Variants in ST8SIA2 observed in about 807,000 individuals in gnomAD.
The protein encoded by ST8SIA2 is alpha-2,8-sialyltransferase 8B.
In ST8SIA2, 22 loss-of-function variants were observed where a neutral mutation model predicts 37.6. The observed-to-expected ratio is 0.58, with a 90% CI of 0.42 to 0.83. The LOEUF (loss-of-function observed/expected upper bound fraction) is 0.83. Among genes scored for constraint, ST8SIA2 ranks in the 40% least tolerant of loss-of-function variants. ST8SIA2 has a pLI of 0.00. For missense variants in ST8SIA2, 382 were observed against 484.7 expected, an observed-to-expected ratio of 0.79 and a Z score of 1.99; for synonymous variants, 205 against 201.2, an observed-to-expected ratio of 1.02 and a Z score of -0.16.
chr15:92,456,730 G>T (rs1197044170), intron 5 of ST8SIA2, among the ~76,000 whole-genome samples: 1 of 152,194 alleles, frequency 6.6e-6, no homozygotes, highest in East Asian at 1.9e-4. Flanking sequence ...TACTGGGAGA[G>T]ATGTGCAGGC....
chr15:92,439,159 G>C (rs79465730), intron 4 of ST8SIA2, among the ~76,000 whole-genome samples: 17 of 152,154 alleles, frequency 1.1e-4, no homozygotes, highest in African/African-American at 3.9e-4. Context: ...TGGTACAAAA[G>C]GTTGGTAAGA....
chr15:92,429,958 T>C, intron 1 of ST8SIA2, 91 bp from the exon 2 acceptor site: 3 of 1,393,452 alleles, frequency 2.2e-6, no homozygotes, highest in Non-Finnish European at 3.0e-6. Context: ...TCTGTAGTTT[T>C]CCAGGTGGGC....
chr15:92,413,394 A>C (rs1232488349), intron 1 of ST8SIA2, among the ~76,000 whole-genome samples: 1 of 152,188 alleles, frequency 6.6e-6, no homozygotes, highest in African/African-American at 2.4e-5. Flanking sequence ...CTCAGTCTGA[A>C]TATTCTGCGA....
intron 5 of ST8SIA2, among the ~76,000 whole-genome samples, chr15:92,451,563 C>T (rs1412992647): frequency 1.3e-5 from 2 of 152,130 alleles, no homozygotes. Context: ...AGGCATTTTT[C>T]AGAAGGAAAG....
chr15:92,457,964 C>A (rs1289905324), intron 5 of ST8SIA2, among the ~76,000 whole-genome samples: 5 of 152,208 alleles, frequency 3.3e-5, no homozygotes, highest in Non-Finnish European at 5.9e-5. Flanking sequence ...CCTGTCCCAG[C>A]TGGCCGCAGT....
At chr15:92,401,851 C>T (rs1367819951) in intron 1 of ST8SIA2, among the ~76,000 whole-genome samples, 1 of 151,758 alleles carries the variant, frequency 6.6e-6, no homozygotes, top group East Asian at 1.9e-4. Context: ...ATGAAAGAAC[C>T]CCTAGGTCAG....
At chr15:92,428,434 T>C (rs2049692168) in intron 1 of ST8SIA2, among the ~76,000 whole-genome samples, 1 of 152,228 alleles carries the variant, frequency 6.6e-6, no homozygotes, top group African/African-American at 2.4e-5. Flanking sequence ...GAATTAACTC[T>C]GCTTGACTTA....
At chr15:92,417,192 C>G (rs2049593209) in intron 1 of ST8SIA2, among the ~76,000 whole-genome samples, 1 of 152,196 alleles carries the variant, frequency 6.6e-6, no homozygotes, top group South Asian at 2.1e-4. Flanking sequence ...TAGAACCCAT[C>G]AGGAACCAGA....
chr15:92,445,110 G>A (rs952199410), intron 5 of ST8SIA2, 181 bp downstream of exon 5: 3 of 897,980 alleles, frequency 3.3e-6, no homozygotes, highest in Non-Finnish European at 5.1e-6. Context: ...GGTTTGGCAA[G>A]TGGGTTTCAT....
chr15:92,450,856 C>T (rs1401995584), intron 5 of ST8SIA2, among the ~76,000 whole-genome samples: 1 of 152,204 alleles, frequency 6.6e-6, no homozygotes, highest in Non-Finnish European at 1.5e-5. Context: ...CATACACACA[C>T]ACAGAAAATA....
intron 2 of ST8SIA2, among the ~76,000 whole-genome samples, chr15:92,431,236 T>A (rs946170110): frequency 6.6e-6 from 1 of 152,150 alleles, no homozygotes; most frequent in Admixed American, 6.5e-5. Flanking sequence ...CGTGGTAGCT[T>A]GAGGGGCCAC....
chr15:92,424,883 T>C (rs1421031583), intron 1 of ST8SIA2, among the ~76,000 whole-genome samples: 1 of 152,174 alleles, frequency 6.6e-6, no homozygotes, highest in South Asian at 2.1e-4. Context: ...AAGTAAAAAT[T>C]GACATTCTAA....
chr15:92,414,486 G>A (rs1165118458), intron 1 of ST8SIA2, among the ~76,000 whole-genome samples: 2 of 152,240 alleles, frequency 1.3e-5, no homozygotes, highest in Non-Finnish European at 1.5e-5. Flanking sequence ...CTGTCAGACA[G>A]AGGTGTATTC....
chr15:92,410,045 C>T (rs964456129), intron 1 of ST8SIA2, among the ~76,000 whole-genome samples: 7 of 152,234 alleles, frequency 4.6e-5, no homozygotes, highest in African/African-American at 1.7e-4. Flanking sequence ...TTGCCACCAC[C>T]AGGCCATTGC....
intron 5 of ST8SIA2, among the ~76,000 whole-genome samples, chr15:92,447,836 G>A (rs2049852984): frequency 6.6e-6 from 1 of 152,184 alleles, no homozygotes; most frequent in Non-Finnish European, 1.5e-5. Flanking sequence ...TGGTCTCTCA[G>A]GACCATGTTT....
At chr15:92,423,566 G>C (rs2049652610) in intron 1 of ST8SIA2, among the ~76,000 whole-genome samples, 1 of 152,258 alleles carries the variant, frequency 6.6e-6, no homozygotes, top group Non-Finnish European at 1.5e-5. Flanking sequence ...GCAGGGCAGG[G>C]CCCAGTCTCT....
intron 1 of ST8SIA2, among the ~76,000 whole-genome samples, chr15:92,420,416 A>G (rs1384504053): frequency 1.3e-5 from 2 of 152,170 alleles, no homozygotes; most frequent in Non-Finnish European, 2.9e-5. Context: ...TTGCATTTTG[A>G]TGTGCAGATG....
At chr15:92,463,772 C>T (rs1382165292) in intron 5 of ST8SIA2, among the ~76,000 whole-genome samples, 4 of 152,244 alleles carry the variant, frequency 2.6e-5, no homozygotes, top group African/African-American at 4.8e-5. Context: ...GGCCTGAGTT[C>T]AAGTCAAGTG....
chr15:92,408,245 G>A (rs1363375812), intron 1 of ST8SIA2, among the ~76,000 whole-genome samples: 1 of 151,526 alleles, frequency 6.6e-6, no homozygotes, highest in Non-Finnish European at 1.5e-5. Flanking sequence ...GGATGCCTTA[G>A]GCCCAAGAAG....
Sources: gnomAD v4.1 joint callset for allele counts (sites outside exome capture counted in the v4.1 genomes callset) on GRCh38, gnomAD v4.1.1 for gene constraint, MANE v1.5 for transcripts, NCBI Gene and HGNC (gene_info 2026-07-23, HGNC 2026-07-21) for gene names.